Variants in PSD3 observed in about 807,000 individuals in gnomAD.
The protein encoded by PSD3 is pleckstrin and Sec7 domain containing 3, also known as PH and SEC7 domain-containing protein 3.
PSD3 carries 49 observed loss-of-function variants against 105.5 expected under a neutral mutation model. That is an observed-to-expected ratio of 0.46 (90% CI 0.37 to 0.59). The LOEUF is 0.59. Ranked by LOEUF, PSD3 falls within the 20% of genes least tolerant of loss-of-function variation. The pLI, the probability that PSD3 is intolerant of heterozygous loss-of-function variation, is 0.00. For synonymous variants in PSD3, 557 were observed against 457.8 expected (o/e 1.22, Z -2.77); for missense variants, 1,561 against 1,263.8 (o/e 1.24, Z -3.57).
At chr8:18,873,174 C>T (rs981495922) in intron 2 of PSD3, among the ~76,000 whole-genome samples, 5 of 152,110 alleles carry the variant, frequency 3.3e-5, no homozygotes, top group African/African-American at 1.2e-4. Context: ...GTGCAAGCTC[C>T]GAGACAGAGC....
At chr8:18,763,956 C>A (rs889457974) in intron 9 of PSD3, among the ~76,000 whole-genome samples, 1 of 152,108 alleles carries the variant, frequency 6.6e-6, no homozygotes, top group Non-Finnish European at 1.5e-5. Context: ...ACAACAGCAA[C>A]AAATCATCTG....
chr8:18,649,239 C>T (rs1808290590), intron 10 of PSD3, among the ~76,000 whole-genome samples: 1 of 152,194 alleles, frequency 6.6e-6, no homozygotes, highest in Non-Finnish European at 1.5e-5. Context: ...ACCGCAGGGA[C>T]TGAACTCTGG....
chr8:18,603,350 T>C (rs570994616), intron 11 of PSD3, among the ~76,000 whole-genome samples: 1 of 152,326 alleles, frequency 6.6e-6, no homozygotes, highest in South Asian at 2.1e-4. Flanking sequence ...GTCAGTTTAA[T>C]GTTTACTTTT....
chr8:18,564,595 C>T (rs970401556), intron 14 of PSD3, among the ~76,000 whole-genome samples: 3 of 150,436 alleles, frequency 2.0e-5, no homozygotes, highest in African/African-American at 7.4e-5. Context: ...CACCACTGCA[C>T]TCCAGCCTGG....
intron 8 of PSD3, among the ~76,000 whole-genome samples, chr8:18,798,682 C>T (rs899703565): frequency 2.1e-5 from 3 of 140,876 alleles, no homozygotes; most frequent in Non-Finnish European, 4.9e-5. Flanking sequence ...GCAAAAATTA[C>T]TTCATAGTCC....
At chr8:18,697,699 C>T (rs1431798175) in intron 9 of PSD3, among the ~76,000 whole-genome samples, 2 of 152,174 alleles carry the variant, frequency 1.3e-5, no homozygotes, top group East Asian at 3.8e-4. Flanking sequence ...GCGTGAATTA[C>T]CTCTGGGCAA....
intron 11 of PSD3, among the ~76,000 whole-genome samples, chr8:18,631,653 A>G (rs1806904090): frequency 6.6e-6 from 1 of 151,904 alleles, no homozygotes; most frequent in South Asian, 2.1e-4. Flanking sequence ...GTTGTGGGAT[A>G]AAATTAAGTA....
intron 15 of PSD3, among the ~76,000 whole-genome samples, chr8:18,550,993 C>A (rs1041993511): frequency 1.3e-5 from 2 of 152,116 alleles, no homozygotes; most frequent in African/African-American, 4.8e-5. Flanking sequence ...CCCTTGCTTT[C>A]GCTAGGAAGA....
At chr8:18,906,763 T>C (rs930021989) in intron 2 of PSD3, among the ~76,000 whole-genome samples, 14 of 152,138 alleles carry the variant, frequency 9.2e-5, no homozygotes, top group Admixed American at 5.2e-4. Context: ...ACAAATACAG[T>C]CATGCACCAT....
intron 1 of PSD3, among the ~76,000 whole-genome samples, chr8:18,991,518 C>A (rs558754615): frequency 1.3e-5 from 2 of 152,118 alleles, no homozygotes; most frequent in African/African-American, 4.8e-5. Context: ...GATAGCTGAA[C>A]CACCAGAATT....
chr8:19,065,385 T>A (rs1324060762), intron 1 of PSD3, among the ~76,000 whole-genome samples: 1 of 152,148 alleles, frequency 6.6e-6, no homozygotes, highest in Non-Finnish European at 1.5e-5. Flanking sequence ...TCTGATACTA[T>A]CTACCTGGAG....
rs529293617 is a variant in PSD3 at position 18,535,676 on chromosome 8, T to A, written c.*67A>T. 2.3e-6 allele frequency: 3 copies of A among 1,303,494 alleles called. No homozygotes were observed. Among genetic ancestry groups the A allele is most frequent in the East Asian group, 4.7e-5 (2 of 43,004 alleles). 80.7% of individuals were successfully genotyped at this position (1,303,494 alleles called of 1,614,324 possible). ...TTTTTTTTTTAAATATATTCACGGA[T>A]TACCAGAAAGATCTTGAAAAACCCT... On this transcript the variant is annotated 3_prime_UTR_variant, in exon 16 of 16. Coordinates refer to ENST00000327040, the MANE Select transcript of PSD3 (RefSeq NM_015310.4).
chr8:18,705,577 G>A, intron 9 of PSD3, among the ~76,000 whole-genome samples: 1 of 146,722 alleles, frequency 6.8e-6, no homozygotes, highest in South Asian at 2.1e-4. Flanking sequence ...AATAACATAA[G>A]GCATATAAAA....
chr8:18,618,099 C>T (rs1020082864), intron 11 of PSD3, among the ~76,000 whole-genome samples: 1 of 152,102 alleles, frequency 6.6e-6, no homozygotes, highest in Non-Finnish European at 1.5e-5. Context: ...TCCACCCCAC[C>T]ACCCCCTCAA....
intron 14 of PSD3, among the ~76,000 whole-genome samples, chr8:18,558,041 T>C (rs946788760): frequency 6.6e-6 from 1 of 152,206 alleles, no homozygotes; most frequent in Admixed American, 6.5e-5. Flanking sequence ...AAGGCCATGG[T>C]GGCCATCCAC....
intron 2 of PSD3, among the ~76,000 whole-genome samples, chr8:18,876,024 C>T (rs1563375092): frequency 6.6e-6 from 1 of 152,194 alleles, no homozygotes; most frequent in South Asian, 2.1e-4. Flanking sequence ...ACTTCTTTCA[C>T]CTGGCACAAG....
intron 9 of PSD3, among the ~76,000 whole-genome samples, chr8:18,696,969 T>A (rs1296238530): frequency 1.3e-5 from 2 of 152,152 alleles, no homozygotes; most frequent in African/African-American, 4.8e-5. Context: ...GCACGTTGGC[T>A]CATGTCTATA....
chr8:18,951,722 CA>C (rs1823247456), intron 1 of PSD3, among the ~76,000 whole-genome samples: 1 of 151,946 alleles, frequency 6.6e-6, no homozygotes, highest in Admixed American at 6.6e-5. Flanking sequence ...CAGTGGCTCA[CA>C]CCTGTAATCC....
In PSD3 at chr8:18,803,778, G is replaced by A. The variant is rs186512630; in HGVS notation, c.1910+744C>T. On this transcript the variant is annotated intron_variant, in intron 6 of 15. Coordinates refer to ENST00000327040, the MANE Select transcript of PSD3 (RefSeq NM_015310.4). ...GTTTGCCAGGGGCTGGGGGAAAGGAGGGGAAGGAAAAAAAAAGTCATTGTT... is the reference window on the plus strand; with the variant it reads ...GTTTGCCAGGGGCTGGGGGAAAGGAAGGGAAGGAAAAAAAAAGTCATTGTT... 3.3e-5 allele frequency among the ~76,000 whole-genome samples: 5 copies of A among 150,584 alleles called. No homozygotes were observed. The East Asian group carries it at 9.7e-4, about 29-fold the overall frequency.
Sources: gnomAD v4.1 joint callset for allele counts (sites outside exome capture counted in the v4.1 genomes callset) on GRCh38, gnomAD v4.1.1 for gene constraint, MANE v1.5 for transcripts, NCBI Gene and HGNC (gene_info 2026-07-23, HGNC 2026-07-21) for gene names.